The following DRC1 variants were observed in gnomAD, a reference collection of about 807,000 sequenced individuals.
DRC1 encodes the protein dynein regulatory complex protein 1.
In DRC1, 74 loss-of-function variants were observed where a neutral mutation model predicts 98.7. The observed-to-expected ratio is 0.75, with a 90% CI of 0.62 to 0.91. DRC1 has a LOEUF of 0.91. DRC1 is among the 40% of genes least tolerant of loss of function. The pLI is 0.00. For synonymous variants in DRC1, 336 were observed against 334.1 expected, an observed-to-expected ratio of 1.01 and a Z score of -0.06; for missense variants, 875 against 886.0, an observed-to-expected ratio of 0.99 and a Z score of 0.16.
chr2:26,405,438 A>G (rs897128368), intron 1 of DRC1, among the ~76,000 whole-genome samples: 1 of 152,192 alleles, frequency 6.6e-6, no homozygotes, highest in Non-Finnish European at 1.5e-5. Context: ...AAGTAAACAA[A>G]TAACATAATT....
chr2:26,421,293 G>A lies in DRC1; in HGVS notation c.249G>A (p.Leu83=). The A allele has an allele frequency of 2.5e-6, 4 of 1,612,310 alleles. No homozygotes were observed. The highest frequency in any genetic ancestry group is 3.4e-6 in the Non-Finnish European group (4 of 1,179,100). The change falls in exon 3 of 17, where the codon TTG becomes TTA. Residue 83 remains leucine, a synonymous_variant. Coordinates refer to ENST00000288710, the MANE Select transcript of DRC1 (RefSeq NM_145038.5). ...TCTTATATCTCTCTTTTTAGAAATT[G>A]GCTAAACTTCTGCTCTGTGGCACCG... ...YKQKEESRLK[L]AKLLLCGTEL...
intron 1 of DRC1, among the ~76,000 whole-genome samples, chr2:26,404,457 C>T (rs959665221): frequency 2.6e-5 from 4 of 152,208 alleles, no homozygotes; most frequent in Non-Finnish European, 5.9e-5. Flanking sequence ...GTGAAGCTTA[C>T]CACACTTGCA....
chr2:26,446,094 A>ATTTT (rs35251803), intron 10 of DRC1, among the ~76,000 whole-genome samples: 2 of 83,004 alleles, frequency 2.4e-5, no homozygotes, highest in African/African-American at 3.9e-5. Flanking sequence ...CAAATAGGGA[A>ATTTT]TTTTTTTTTT....
chr2:26,404,186 T>A (rs1678347325), intron 1 of DRC1, among the ~76,000 whole-genome samples: 1 of 152,184 alleles, frequency 6.6e-6, no homozygotes, highest in South Asian at 2.1e-4. Context: ...AGGCCATAGT[T>A]TGCCAGTGCT....
chr2:26,447,136 C>T (rs1000579353), intron 10 of DRC1, among the ~76,000 whole-genome samples: 12 of 151,336 alleles, frequency 7.9e-5, no homozygotes, highest in South Asian at 2.1e-4. Flanking sequence ...AAAAATAGGC[C>T]GGGTGCGGTG....
At chr2:26,424,514 T>G in intron 4 of DRC1, 60 bp downstream of exon 4, 5 of 1,523,832 alleles carry the variant, frequency 3.3e-6, no homozygotes, top group Non-Finnish European at 4.4e-6. Context: ...TTAGCTGGGT[T>G]ACTGGTTTGC....
At chr2:26,431,742 G>A (rs749579485) in intron 6 of DRC1, 142 bp from the exon 7 acceptor site, 166 of 1,352,302 alleles carry the variant, frequency 1.2e-4, no homozygotes, top group Non-Finnish European at 1.6e-4. Context: ...TGGGTATTCA[G>A]GACTTCTGAA....
At chr2:26,441,740 C>T (rs565517292) in intron 8 of DRC1, among the ~76,000 whole-genome samples, 7 of 152,222 alleles carry the variant, frequency 4.6e-5, no homozygotes, top group Middle Eastern at 3.4e-3. Flanking sequence ...CGGGAGGAGG[C>T]GCTTGAGGCA....
At chr2:26,410,547 C>A (rs1271235071) in intron 1 of DRC1, among the ~76,000 whole-genome samples, 1 of 152,112 alleles carries the variant, frequency 6.6e-6, no homozygotes, top group Admixed American at 6.5e-5. Flanking sequence ...GCTGGGATTA[C>A]AGGCATGAGC....
intron 4 of DRC1, among the ~76,000 whole-genome samples, chr2:26,429,372 CATCT>C (rs1476705256): frequency 4.6e-5 from 7 of 151,964 alleles, no homozygotes; most frequent in Non-Finnish European, 7.4e-5. Flanking sequence ...TGCACCACCA[CATCT>C]GGCTAATTTT....
chr2:26,452,346 C>T (rs1432072965), intron 13 of DRC1, among the ~76,000 whole-genome samples: 1 of 152,170 alleles, frequency 6.6e-6, no homozygotes, highest in Admixed American at 6.5e-5. Context: ...ACCTCCATCT[C>T]CCAGGTTCAA....
intron 2 of DRC1, among the ~76,000 whole-genome samples, chr2:26,418,577 T>TATATAAATTATATATA (rs1678903577): frequency 1.9e-5 from 2 of 105,654 alleles, no homozygotes; most frequent in Admixed American, 1.3e-4. Flanking sequence ...ATATATATTA[T>TATATAAATTATATATA]ATATAAATTA....
chr2:26,456,334 C>T (rs992803159), intron 16 of DRC1, 127 bp from the exon 17 acceptor site: 5 of 1,182,212 alleles, frequency 4.2e-6, no homozygotes, highest in Admixed American at 2.0e-5. Flanking sequence ...TTCAGCATCT[C>T]TCAGCTTTGG....
At chr2:26,420,400 TGTCATTATCTGCCTCAC>T (rs1396731719) in intron 2 of DRC1, among the ~76,000 whole-genome samples, 5 of 152,042 alleles carry the variant, frequency 3.3e-5, no homozygotes, top group Non-Finnish European at 7.4e-5. Context: ...TCTGCCTCAC[TGTCATTATCTGCCTCAC>T]TGTCATTACC....
Position 26,407,214 on chromosome 2 carries a change from G to T in DRC1, c.155+5070G>T, listed in dbSNP as rs373520151. Among the ~76,000 whole-genome samples, 89 of 152,052 alleles carry T rather than the reference G, an allele frequency of 5.9e-4. 1 individual carries two copies. Among genetic ancestry groups the T allele is most frequent in the African/African-American group, 2.0e-3 (84 of 41,476 alleles). Reference sequence around the variant, plus strand: ...AACTCCATTAAAATGATATTTAAGGGGATTAAGTAAAAAAGACGCAAATCC... The same window carrying T: ...AACTCCATTAAAATGATATTTAAGGTGATTAAGTAAAAAAGACGCAAATCC... On this transcript the variant is annotated intron_variant, in intron 1 of 16. Coordinates refer to ENST00000288710, the MANE Select transcript of DRC1 (RefSeq NM_145038.5).
chr2:26,453,467 A>G lies in DRC1; in HGVS notation c.1837A>G (p.Thr613Ala). Residue 613 changes from threonine (T) to alanine (A), a missense_variant, in exon 14 of 17, where the codon ACC becomes GCC. Transcript: ENST00000288710. ...AGGGGAGAAGGAGGAAGAGGAGGAGACCCCACCCTCCCCCTGGGTCATCCA... is the reference window on the plus strand; with the variant it reads ...AGGGGAGAAGGAGGAAGAGGAGGAGGCCCCACCCTCCCCCTGGGTCATCCA... ...VEGEKEEEEE[T>A]PPSPWVIHPN... is the part of the protein sequence containing the mutation. 1 of 1,613,790 alleles carries G rather than the reference A, an allele frequency of 6.2e-7. No homozygotes were observed.
chr2:26,418,538 T>A (rs1678890057), intron 2 of DRC1, among the ~76,000 whole-genome samples: 1 of 109,902 alleles, frequency 9.1e-6, no homozygotes, highest in Non-Finnish European at 1.7e-5. Flanking sequence ...ATATACAATA[T>A]ATTATAAATT....
chr2:26,407,647 G>A (rs1333400155), intron 1 of DRC1, among the ~76,000 whole-genome samples: 4 of 151,764 alleles, frequency 2.6e-5, no homozygotes, highest in Non-Finnish European at 4.4e-5. Flanking sequence ...TACTTCGTCC[G>A]ACCACCCGGC....
At chr2:26,434,598 A>T (rs1663522843) in intron 7 of DRC1, among the ~76,000 whole-genome samples, 1 of 152,248 alleles carries the variant, frequency 6.6e-6, no homozygotes, top group Admixed American at 6.5e-5. Context: ...ATCTATTAAG[A>T]AAGCAAGCTA....
Sources: gnomAD v4.1 joint callset for allele counts (sites outside exome capture counted in the v4.1 genomes callset) on GRCh38, gnomAD v4.1.1 for gene constraint, MANE v1.5 for transcripts, NCBI Gene and HGNC (gene_info 2026-07-23, HGNC 2026-07-21) for gene names.